RTN4RL1: variants seen among roughly 807,000 people sequenced by gnomAD.
RTN4RL1 encodes reticulon-4 receptor-like 1.
A neutral mutation model predicts 25.6 loss-of-function variants in RTN4RL1; 7 were observed. The ratio of observed to expected loss-of-function variants is 0.27; its 90% CI spans 0.16 to 0.51. The LOEUF (loss-of-function observed/expected upper bound fraction) is 0.51. Among genes scored for constraint, RTN4RL1 ranks in the 20% least tolerant of loss-of-function variants. The pLI is 0.97. For synonymous variants in RTN4RL1, 297 were observed against 288.2 expected, an observed-to-expected ratio of 1.03 and a Z score of -0.31; for missense variants, 500 against 615.6, an observed-to-expected ratio of 0.81 and a Z score of 1.99.
intron 1 of RTN4RL1, among the ~76,000 whole-genome samples, chr17:1,981,038 G>T (rs753693663): frequency 2.6e-5 from 4 of 151,984 alleles, no homozygotes; most frequent in Non-Finnish European, 5.9e-5. Context: ...GGCACTGATG[G>T]GGTAAAGTGC....
intron 1 of RTN4RL1, among the ~76,000 whole-genome samples, chr17:1,943,268 G>A (rs1013700165): frequency 5.9e-5 from 9 of 152,240 alleles, no homozygotes; most frequent in Admixed American, 4.6e-4. Flanking sequence ...CAACCCAGCT[G>A]ACTGCAAGTC....
chr17:2,012,710 A>G (rs959362573), intron 1 of RTN4RL1, among the ~76,000 whole-genome samples: 1 of 151,894 alleles, frequency 6.6e-6, no homozygotes, highest in African/African-American at 2.4e-5. Context: ...CAATCATTCA[A>G]TCAACATTTA....
chr17:1,987,669 A>G (rs1157559575), intron 1 of RTN4RL1, among the ~76,000 whole-genome samples: 1 of 150,136 alleles, frequency 6.7e-6, no homozygotes, highest in Non-Finnish European at 1.5e-5. Flanking sequence ...CACAGCCAAC[A>G]AAATCACAGC....
intron 1 of RTN4RL1, among the ~76,000 whole-genome samples, chr17:1,946,786 ATGGCGAATGTGTGCG>A (rs1288592825): frequency 7.6e-6 from 1 of 131,274 alleles, no homozygotes; most frequent in Non-Finnish European, 1.5e-5. Context: ...CTGTGTGTGC[ATGGCGAATGTGTGCG>A]TCTCTGTGTG....
chr17:1,965,654 G>A (rs533640346), intron 1 of RTN4RL1, among the ~76,000 whole-genome samples: 89 of 152,292 alleles, frequency 5.8e-4, no homozygotes, highest in African/African-American at 1.9e-3. Flanking sequence ...ACCCTCAGGG[G>A]TGCAAAGGAG....
intron 1 of RTN4RL1, among the ~76,000 whole-genome samples, chr17:1,942,586 G>A (rs1490055134): frequency 6.6e-6 from 1 of 152,154 alleles, no homozygotes; most frequent in African/African-American, 2.4e-5. Context: ...GGGAACCAGG[G>A]AGAAGGGTCC....
At chr17:1,989,063 G>A (rs1366228077) in intron 1 of RTN4RL1, among the ~76,000 whole-genome samples, 2 of 152,218 alleles carry the variant, frequency 1.3e-5, no homozygotes, top group African/African-American at 2.4e-5. Context: ...CCCTAATTGC[G>A]GCAAGGAGGC....
At chr17:2,016,392 CA>C (rs1480339266) in intron 1 of RTN4RL1, among the ~76,000 whole-genome samples, 6 of 151,480 alleles carry the variant, frequency 4.0e-5, no homozygotes, top group African/African-American at 1.5e-4. Flanking sequence ...AAAACAAAAA[CA>C]AAAAACAAAA....
At chr17:1,968,224 GC>G (rs1177805815) in intron 1 of RTN4RL1, among the ~76,000 whole-genome samples, 1 of 152,136 alleles carries the variant, frequency 6.6e-6, no homozygotes, top group African/African-American at 2.4e-5. Flanking sequence ...CCTGGAGGCT[GC>G]CCCCTCAGCA....
chr17:1,936,837 G>A lies in RTN4RL1; in HGVS notation c.985C>T (p.His329Tyr). The change falls in exon 2 of 2, where the codon CAC becomes TAC. Residue 329 changes from histidine to tyrosine, a missense_variant. Physicochemically the swap from His to Tyr is moderately conservative, Grantham distance 83. This residue lies in a region of RTN4RL1 where 268 missense variants were observed against 274.5 expected (regional missense o/e 0.98). Coordinates refer to ENST00000331238, the MANE Select transcript of RTN4RL1 (RefSeq NM_178568.4). ...CTGGTGGGGCCGTGGGGTGAGTGGT[G>A]TTCCTTGCGGGCGGCCCTGTCGGTG... Reference protein sequence around the residue: ...TTTDRAARKEHHSPHGPTRSK... With the variant: ...TTTDRAARKEYHSPHGPTRSK... The A allele has an allele frequency of 1.3e-6, 2 of 1,585,844 alleles. No homozygotes were observed. The highest frequency in any genetic ancestry group is 1.7e-6 in the Non-Finnish European group (2 of 1,166,824).
chr17:2,014,346 C>T (rs1014668065), intron 1 of RTN4RL1, among the ~76,000 whole-genome samples: 30 of 152,172 alleles, frequency 2.0e-4, no homozygotes, highest in African/African-American at 7.0e-4. Context: ...ACAAGGAAGG[C>T]TGAGTACCAT....
rs146780193 is a variant in RTN4RL1, at chr17:1,940,012, G to A, written c.14-2204C>T. Among the ~76,000 whole-genome samples the A allele has an allele frequency of 1.0e-2, 1,519 of 152,318 alleles. 4 individuals are homozygous for A. The highest frequency in any genetic ancestry group is 0.015 in the Non-Finnish European group (1,051 of 68,028). ...GAGAACCAACCCTCTGGCCACTCTC[G>A]GGCCAGCCCTGCTCCCGGCCTCGTG... On this transcript the variant is annotated intron_variant, in intron 1 of 1. Transcript: ENST00000331238.
At chr17:1,993,310 C>A (rs566240547) in intron 1 of RTN4RL1, among the ~76,000 whole-genome samples, 1 of 152,264 alleles carries the variant, frequency 6.6e-6, no homozygotes, top group South Asian at 2.1e-4. Context: ...AATGTCAGAA[C>A]TGACACACCC....
intron 1 of RTN4RL1, among the ~76,000 whole-genome samples, chr17:2,015,651 G>C (rs555864393): frequency 6.6e-6 from 1 of 152,348 alleles, no homozygotes; most frequent in South Asian, 2.1e-4. Context: ...CGGGTTTAGT[G>C]TCAAGCCAGA....
At chr17:1,948,912 C>G (rs1184239507) in intron 1 of RTN4RL1, among the ~76,000 whole-genome samples, 3 of 152,082 alleles carry the variant, frequency 2.0e-5, no homozygotes, top group Admixed American at 1.3e-4. Flanking sequence ...CCTGCCTCAG[C>G]CTCCTGAGTA....
chr17:1,956,548 T>TCCCACTGC, intron 1 of RTN4RL1, among the ~76,000 whole-genome samples: 1 of 152,310 alleles, frequency 6.6e-6, no homozygotes, highest in East Asian at 1.9e-4. Context: ...GCACGATGTT[T>TCCCACTGC]AGAGACTGCA....
At chr17:2,016,668 C>T (rs1333242248) in intron 1 of RTN4RL1, among the ~76,000 whole-genome samples, 1 of 152,246 alleles carries the variant, frequency 6.6e-6, no homozygotes, top group Non-Finnish European at 1.5e-5. Context: ...AGAGACGCAG[C>T]GTGTGGCATG....
rs1282014875 is a variant in RTN4RL1 at position 2,021,546 on chromosome 17, T to C, written c.13+3307A>G. ...CAGCAAGAACTATTTAAACACATCC[T>C]ATACCTTTTTTTTTTTTTTTTTTTT... On this transcript the variant is annotated intron_variant, in intron 1 of 1. Coordinates refer to ENST00000331238, the MANE Select transcript of RTN4RL1 (RefSeq NM_178568.4). Among the ~76,000 whole-genome samples, 3 of 142,782 alleles carry C rather than the reference T, an allele frequency of 2.1e-5. No individual in the cohort carries two copies. In the East Asian group the frequency reaches 6.4e-4, roughly 30 times the overall value. The allele number at this position is 142,782 out of a possible 152,430, so 93.7% of individuals were successfully genotyped here.
At chr17:1,951,666 TG>T (rs1597491412) in intron 1 of RTN4RL1, among the ~76,000 whole-genome samples, 1 of 152,152 alleles carries the variant, frequency 6.6e-6, no homozygotes, top group East Asian at 1.9e-4. Context: ...TTGGTCAGGC[TG>T]GTCTCGAACT....
Sources: gnomAD v4.1 joint callset for allele counts (sites outside exome capture counted in the v4.1 genomes callset) on GRCh38, gnomAD v4.1.1 for gene constraint, gnomAD v4.1.1 regional missense constraint, MANE v1.5 for transcripts, NCBI Gene and HGNC (gene_info 2026-07-23, HGNC 2026-07-21) for gene names.